Variants in SMYD3 observed in about 807,000 individuals in gnomAD.
SMYD3 encodes the protein histone-lysine N-methyltransferase SMYD3.
A neutral mutation model predicts 57.7 loss-of-function variants in SMYD3; 36 were observed. That is an observed-to-expected ratio of 0.62 (90% CI 0.48 to 0.82). SMYD3 has a LOEUF of 0.82. Ranked by LOEUF, SMYD3 falls within the 40% of genes least tolerant of loss-of-function variation. The pLI is 0.00. For synonymous variants in SMYD3, 211 were observed against 195.0 expected, an observed-to-expected ratio of 1.08 and a Z score of -0.68; for missense variants, 515 against 538.8, an observed-to-expected ratio of 0.96 and a Z score of 0.44.
chr1:246,193,402 C>T (rs1423607566), intron 5 of SMYD3, among the ~76,000 whole-genome samples: 1 of 152,334 alleles, frequency 6.6e-6, no homozygotes, highest in South Asian at 2.1e-4. Flanking sequence ...TTAGACTGTA[C>T]TGATGAATGT....
At chr1:246,011,989 G>A (rs1043368745) in intron 5 of SMYD3, among the ~76,000 whole-genome samples, 1 of 151,460 alleles carries the variant, frequency 6.6e-6, no homozygotes, top group Non-Finnish European at 1.5e-5. Flanking sequence ...CAATATCATT[G>A]TCCACTGATA....
intron 11 of SMYD3, among the ~76,000 whole-genome samples, chr1:245,762,580 T>C (rs545701032): frequency 6.6e-5 from 10 of 152,120 alleles, no homozygotes; most frequent in Non-Finnish European, 1.2e-4. Flanking sequence ...CCCGCCTGGG[T>C]AAACATGCCA....
intron 5 of SMYD3, among the ~76,000 whole-genome samples, chr1:246,282,672 T>C (rs1489598513): frequency 6.6e-6 from 1 of 152,206 alleles, no homozygotes; most frequent in Admixed American, 6.5e-5. Context: ...ACTTCTTTGT[T>C]TGGATACAAA....
At chr1:246,229,654 G>A (rs1016855159) in intron 5 of SMYD3, among the ~76,000 whole-genome samples, 11 of 152,182 alleles carry the variant, frequency 7.2e-5, no homozygotes, top group South Asian at 2.1e-4. Flanking sequence ...CTCTGACTGC[G>A]TCATCTCGTG....
chr1:246,442,530 A>G (rs577334636), intron 1 of SMYD3, among the ~76,000 whole-genome samples: 1 of 152,262 alleles, frequency 6.6e-6, no homozygotes, highest in South Asian at 2.1e-4. Context: ...GCTGGGCTAT[A>G]AGAGCGAAAC....
At chr1:246,498,866 G>A (rs1028664575) in intron 1 of SMYD3, among the ~76,000 whole-genome samples, 2 of 151,836 alleles carry the variant, frequency 1.3e-5, no homozygotes, top group Non-Finnish European at 2.9e-5. Context: ...ATGGCTCACT[G>A]CAGCCTTGAC....
intron 5 of SMYD3, among the ~76,000 whole-genome samples, chr1:246,081,517 T>G (rs937060779): frequency 6.6e-6 from 1 of 152,148 alleles, no homozygotes; most frequent in African/African-American, 2.4e-5. Flanking sequence ...CTCAGCCTCC[T>G]GAGCAGCTGA....
At chr1:246,083,764 C>T (rs538311467) in intron 5 of SMYD3, among the ~76,000 whole-genome samples, 1 of 152,056 alleles carries the variant, frequency 6.6e-6, no homozygotes, top group Non-Finnish European at 1.5e-5. Flanking sequence ...AACTATGAGC[C>T]CTTTCCCTTA....
chr1:246,271,796 T>A (rs914229635), intron 5 of SMYD3, among the ~76,000 whole-genome samples: 41 of 152,244 alleles, frequency 2.7e-4, no homozygotes, highest in African/African-American at 9.9e-4. Flanking sequence ...AGATTCCATA[T>A]AAATTTTAGA....
intron 8 of SMYD3, among the ~76,000 whole-genome samples, chr1:245,871,444 T>C (rs951824483): frequency 2.7e-4 from 41 of 152,154 alleles, no homozygotes; most frequent in African/African-American, 9.9e-4. Context: ...TGGCTAAAAA[T>C]AGAGCATTCA....
intron 5 of SMYD3, among the ~76,000 whole-genome samples, chr1:245,970,361 G>A (rs1192455586): frequency 6.6e-6 from 1 of 152,128 alleles, no homozygotes; most frequent in Non-Finnish European, 1.5e-5. Flanking sequence ...AAAAACCCTA[G>A]AAGAAAACCT....
intron 5 of SMYD3, among the ~76,000 whole-genome samples, chr1:246,070,829 G>A (rs1204304764): frequency 6.6e-6 from 1 of 152,206 alleles, no homozygotes; most frequent in Non-Finnish European, 1.5e-5. Context: ...GTTAGATAAT[G>A]AAACACAGAT....
intron 5 of SMYD3, among the ~76,000 whole-genome samples, chr1:246,053,684 C>T (rs2060101017): frequency 6.6e-6 from 1 of 151,784 alleles, no homozygotes; most frequent in African/African-American, 2.4e-5. Context: ...GGCATGGTGG[C>T]AAATGCCTGT....
At chr1:245,822,821 T>C (rs2049250575) in intron 10 of SMYD3, among the ~76,000 whole-genome samples, 1 of 152,198 alleles carries the variant, frequency 6.6e-6, no homozygotes, top group African/African-American at 2.4e-5. Flanking sequence ...CATTTTTACA[T>C]GTGTTATAAG....
At chr1:246,114,934 C>A (rs959509480) in intron 5 of SMYD3, among the ~76,000 whole-genome samples, 1 of 152,128 alleles carries the variant, frequency 6.6e-6, no homozygotes, top group East Asian at 1.9e-4. Flanking sequence ...CCGGCCTAAA[C>A]TTGGTTTTAA....
Position 245,786,219 on chromosome 1 carries a change from G to GGGC in SMYD3, c.1077-22071_1077-22070insGCC, listed in dbSNP as rs1553321387. On this transcript the variant is annotated intron_variant, in intron 10 of 11. Coordinates refer to ENST00000490107, the MANE Select transcript of SMYD3 (RefSeq NM_001167740.2). ...AGTTGAGTTGGGGTGTGGACGGGGG[G>GGGC]GGGATGGTGGCAACAGAATATTAAG... is the stretch of plus-strand genomic sequence containing the variant. Among the ~76,000 whole-genome samples, 12 of 148,172 alleles carry GGGC rather than the reference G, an allele frequency of 8.1e-5. 2 individuals are homozygous for GGGC. The highest frequency in any genetic ancestry group is 3.4e-3 in the Middle Eastern group (1 of 292).
chr1:246,267,862 T>G (rs1324517406), intron 5 of SMYD3, among the ~76,000 whole-genome samples: 2 of 152,326 alleles, frequency 1.3e-5, no homozygotes, highest in Non-Finnish European at 1.5e-5. Context: ...TTCAACAGAT[T>G]TCTATTCCCA....
chr1:246,300,379 A>C (rs1022463026), intron 5 of SMYD3, among the ~76,000 whole-genome samples: 1 of 152,194 alleles, frequency 6.6e-6, no homozygotes, highest in Non-Finnish European at 1.5e-5. Flanking sequence ...GATGTATTAA[A>C]GGTAATGTGA....
At chr1:246,335,027 TA>T (rs1416872880) in intron 3 of SMYD3, among the ~76,000 whole-genome samples, 1 of 152,158 alleles carries the variant, frequency 6.6e-6, no homozygotes, top group African/African-American at 2.4e-5. Flanking sequence ...ACCACTTGAT[TA>T]GTCAGCAGCC....
Sources: allele counts gnomAD v4.1 joint callset (sites outside exome capture counted in the v4.1 genomes callset), GRCh38; gene constraint gnomAD v4.1.1; transcripts MANE v1.5; gene names NCBI Gene and HGNC (gene_info 2026-07-23, HGNC 2026-07-21).